AGBL4: variants seen among roughly 807,000 people sequenced by gnomAD.
AGBL4 encodes the protein AGBL carboxypeptidase 4, also known as cytosolic carboxypeptidase 6.
A neutral mutation model predicts 66.4 loss-of-function variants in AGBL4; 58 were observed. The ratio of observed to expected loss-of-function variants is 0.87; its 90% CI spans 0.71 to 1.09. The LOEUF (loss-of-function observed/expected upper bound fraction) is 1.09. AGBL4 is among the 50% of genes least tolerant of loss of function. The pLI, the probability that AGBL4 is intolerant of heterozygous loss-of-function variation, is 0.00. For missense variants in AGBL4, 579 were observed against 631.0 expected (o/e 0.92, Z 0.88); for synonymous variants, 234 against 222.9 (o/e 1.05, Z -0.44).
intron 3 of AGBL4, among the ~76,000 whole-genome samples, chr1:49,398,639 G>A (rs980090657): frequency 6.6e-6 from 1 of 152,080 alleles, no homozygotes; most frequent in Non-Finnish European, 1.5e-5. Context: ...TCAGTAAATA[G>A]TGCAACTTGC....
intron 6 of AGBL4, chr1:48,759,113 C>T (rs1208696701): frequency 3.7e-6 from 6 of 1,612,100 alleles, no homozygotes; most frequent in Non-Finnish European, 5.1e-6. Flanking sequence ...GCCCGGGGCA[C>T]CACAGCATCT....
At chr1:49,910,099 C>T in intron 1 of AGBL4, among the ~76,000 whole-genome samples, 1 of 152,088 alleles carries the variant, frequency 6.6e-6, no homozygotes, top group Non-Finnish European at 1.5e-5. Context: ...AATAAGATGA[C>T]ATAGGGAACC....
At chr1:48,821,854 C>T (rs763548930) in intron 6 of AGBL4, among the ~76,000 whole-genome samples, 14 of 152,170 alleles carry the variant, frequency 9.2e-5, no homozygotes, top group Non-Finnish European at 1.5e-4. Flanking sequence ...ATATTAAGAA[C>T]TCATACAAAT....
chr1:49,686,056 T>C (rs1017867340), intron 3 of AGBL4, among the ~76,000 whole-genome samples: 7 of 152,192 alleles, frequency 4.6e-5, no homozygotes, highest in Non-Finnish European at 1.0e-4. Flanking sequence ...GTTTAATCTA[T>C]TTTGAGTTGA....
At chr1:49,505,087 T>G (rs1206207581) in intron 3 of AGBL4, among the ~76,000 whole-genome samples, 1 of 152,084 alleles carries the variant, frequency 6.6e-6, no homozygotes, top group East Asian at 1.9e-4. Context: ...TATTTTAGGC[T>G]GATAATTTAA....
intron 2 of AGBL4, among the ~76,000 whole-genome samples, chr1:49,816,683 C>T (rs1156280364): frequency 6.6e-6 from 1 of 152,086 alleles, no homozygotes; most frequent in Non-Finnish European, 1.5e-5. Context: ...TTTTTACAGA[C>T]AATACCAATG....
chr1:48,811,346 T>C (rs1337595483), intron 6 of AGBL4, among the ~76,000 whole-genome samples: 11 of 152,194 alleles, frequency 7.2e-5, no homozygotes, highest in African/African-American at 2.7e-4. Context: ...CACAGTCACA[T>C]AGACCTCTAG....
intron 6 of AGBL4, among the ~76,000 whole-genome samples, chr1:48,811,026 TC>T (rs933916428): frequency 6.6e-5 from 10 of 151,988 alleles, no homozygotes; most frequent in Non-Finnish European, 1.0e-4. Flanking sequence ...CCTCCCTTTT[TC>T]CCCCATCCCT....
chr1:48,670,277 A>G (rs1358821749), intron 6 of AGBL4, among the ~76,000 whole-genome samples: 1 of 152,178 alleles, frequency 6.6e-6, no homozygotes, highest in African/African-American at 2.4e-5. Flanking sequence ...AGCCTGTGAG[A>G]TCACCGAGTT....
chr1:48,869,877 T>C (rs1648478162), intron 5 of AGBL4, among the ~76,000 whole-genome samples: 1 of 152,172 alleles, frequency 6.6e-6, no homozygotes, highest in African/African-American at 2.4e-5. Flanking sequence ...GAGGAGCATC[T>C]TAAGGGCCTA....
chr1:48,668,356 G>T (rs887365682), intron 6 of AGBL4, among the ~76,000 whole-genome samples: 2 of 152,108 alleles, frequency 1.3e-5, no homozygotes, highest in South Asian at 2.1e-4. Context: ...GCAAATAGGA[G>T]CATACCACTT....
chr1:49,012,725 C>A (rs1047752430), intron 5 of AGBL4, among the ~76,000 whole-genome samples: 1 of 152,166 alleles, frequency 6.6e-6, no homozygotes, highest in Non-Finnish European at 1.5e-5. Context: ...CCAAAGCAAA[C>A]TCCTGAGTGA....
At chr1:49,254,669 A>T (rs962578903) in intron 3 of AGBL4, among the ~76,000 whole-genome samples, 24 of 152,340 alleles carry the variant, frequency 1.6e-4, no homozygotes, top group African/African-American at 4.6e-4. Flanking sequence ...AAAAAATTTT[A>T]AAATTCCTGT....
intron 2 of AGBL4, among the ~76,000 whole-genome samples, chr1:49,791,286 A>G (rs1288749335): frequency 6.6e-6 from 1 of 152,098 alleles, no homozygotes; most frequent in Non-Finnish European, 1.5e-5. Context: ...AGAAAATAAA[A>G]TGGAATACTA....
chr1:49,460,208 G>A (rs187091164), intron 3 of AGBL4, among the ~76,000 whole-genome samples: 64 of 151,548 alleles, frequency 4.2e-4, no homozygotes, highest in Middle Eastern at 3.4e-3. Flanking sequence ...CCACTATTAC[G>A]GTGTTGCTAT....
intron 5 of AGBL4, among the ~76,000 whole-genome samples, chr1:48,986,260 T>C (rs867960209): frequency 3.3e-5 from 5 of 152,114 alleles, no homozygotes; most frequent in Middle Eastern, 3.4e-3. Flanking sequence ...GTGGAAATAA[T>C]AGGTGAAATT....
intron 6 of AGBL4, among the ~76,000 whole-genome samples, chr1:48,858,230 G>A (rs958881309): frequency 4.5e-4 from 69 of 152,272 alleles, no homozygotes; most frequent in African/African-American, 1.6e-3. Context: ...CACTGATGAT[G>A]GGAATATAAA....
At chr1:48,547,107 G>A (rs77702656) in intron 11 of AGBL4, among the ~76,000 whole-genome samples, 1 of 152,102 alleles carries the variant, frequency 6.6e-6, no homozygotes, top group East Asian at 1.9e-4. Flanking sequence ...GAGGGTGATA[G>A]GCAAGGGCTA....
chr1:49,859,833 G>GA (rs895319649), intron 1 of AGBL4, among the ~76,000 whole-genome samples: 1 of 151,560 alleles, frequency 6.6e-6, no homozygotes, highest in African/African-American at 2.4e-5. Context: ...ATTGTCTAGA[G>GA]AAAAAAATCA....
Sources: allele counts gnomAD v4.1 joint callset (sites outside exome capture counted in the v4.1 genomes callset), GRCh38; gene constraint gnomAD v4.1.1; transcripts MANE v1.5; gene names NCBI Gene and HGNC (gene_info 2026-07-23, HGNC 2026-07-21).